The following GRIN2B variants were observed in gnomAD, a reference collection of about 807,000 sequenced individuals.
GRIN2B encodes glutamate ionotropic receptor NMDA type subunit 2B, also known as glutamate receptor ionotropic, NMDA 2B.
GRIN2B carries 5 observed loss-of-function variants against 114.5 expected under a neutral mutation model. That is an observed-to-expected ratio of 0.04 (90% CI 0.02 to 0.09). The LOEUF is 0.09. GRIN2B is among the 10% of genes least tolerant of loss of function. The probability of loss-of-function intolerance (pLI) is 1.00; values close to 1 mark genes in which losing one functional copy is unlikely to be tolerated. For synonymous variants in GRIN2B, 787 were observed against 745.1 expected, an observed-to-expected ratio of 1.06 and a Z score of -0.92; for missense variants, 1,108 against 1,943.5, an observed-to-expected ratio of 0.57 and a Z score of 8.08.
chr12:13,833,507 G>GT (rs1417328705), intron 3 of GRIN2B, among the ~76,000 whole-genome samples: 1 of 152,126 alleles, frequency 6.6e-6, no homozygotes, highest in Non-Finnish European at 1.5e-5. Flanking sequence ...AAATTCAGGT[G>GT]TGTTCTCATT....
At chr12:13,804,027 T>G (rs1864559780) in intron 3 of GRIN2B, among the ~76,000 whole-genome samples, 1 of 152,190 alleles carries the variant, frequency 6.6e-6, no homozygotes, top group Non-Finnish European at 1.5e-5. Context: ...TTACCCATTT[T>G]CGTCTTTCTC....
At chr12:13,958,614 A>T (rs1344143896) in intron 2 of GRIN2B, among the ~76,000 whole-genome samples, 2 of 152,040 alleles carry the variant, frequency 1.3e-5, no homozygotes, top group Non-Finnish European at 2.9e-5. Context: ...CCTTTTTCTC[A>T]TACCACATGT....
At chr12:13,605,584 C>CACACACA (rs3081919) in intron 10 of GRIN2B, among the ~76,000 whole-genome samples, 10 of 149,246 alleles carry the variant, frequency 6.7e-5, no homozygotes, top group Non-Finnish European at 7.4e-5. Context: ...CACACACACA[C>CACACACA]CTGTCTTCAT....
chr12:13,592,225 C>T (rs918223532), intron 10 of GRIN2B, among the ~76,000 whole-genome samples: 4 of 152,094 alleles, frequency 2.6e-5, no homozygotes, highest in Non-Finnish European at 5.9e-5. Context: ...AAGAGGCCCT[C>T]GCTGGCAGGA....
rs546577823 is a variant in GRIN2B, at chr12:13,548,163, C to A, written c.*14620G>T. ...TCATGTGGATCTTGCTGTTCCGGAG[C>A]AAGCTCTGGGCTCTAAAATTGAGCT... On this transcript the variant is annotated 3_prime_UTR_variant, in exon 14 of 14. Transcript: ENST00000609686. 35 of 151,420 alleles carry A rather than the reference C, an allele frequency of 2.3e-4. No homozygotes were observed. Among genetic ancestry groups the A allele is most frequent in the African/African-American group, 8.0e-4 (33 of 41,306 alleles). 9.4% of individuals were successfully genotyped at this position (151,420 alleles called of 1,614,324 possible). A position where few individuals can be genotyped will look rare whatever the true frequency, so the allele number is the denominator to read the frequency against.
At chr12:13,612,578 T>C (rs1485346388) in intron 8 of GRIN2B, among the ~76,000 whole-genome samples, 2 of 152,108 alleles carry the variant, frequency 1.3e-5, no homozygotes, top group Admixed American at 6.5e-5. Context: ...CTACAATCTA[T>C]CCCCCATTAT....
chr12:13,810,118 T>C (rs1864697833), intron 3 of GRIN2B, among the ~76,000 whole-genome samples: 1 of 152,130 alleles, frequency 6.6e-6, no homozygotes, highest in South Asian at 2.1e-4. Flanking sequence ...TACCATCCTG[T>C]TTAAATGAAA....
chr12:13,624,728 T>C (rs1231361167), intron 5 of GRIN2B, among the ~76,000 whole-genome samples: 2 of 152,116 alleles, frequency 1.3e-5, no homozygotes, highest in Non-Finnish European at 2.9e-5. Flanking sequence ...CCTGCATGGC[T>C]CTCCCAGGGA....
At chr12:13,834,124 G>A (rs576917133) in intron 3 of GRIN2B, among the ~76,000 whole-genome samples, 20 of 134,988 alleles carry the variant, frequency 1.5e-4, no homozygotes, top group African/African-American at 4.1e-4. Flanking sequence ...TCTGCCTCCC[G>A]TGTTCATGCC....
At position 13,549,877 on chromosome 12, in the gene GRIN2B, C is replaced by A. The variant is rs1272234269; in HGVS notation, c.*12906G>T. 6.6e-6 allele frequency: 1 copy of A among 151,970 alleles called. No individual in the cohort carries two copies. Among genetic ancestry groups the A allele is most frequent in the Non-Finnish European group, 1.5e-5 (1 of 67,996 alleles). The allele number at this position is 151,970 out of a possible 1,614,324, so 9.4% of individuals were successfully genotyped here. On this transcript the variant is annotated 3_prime_UTR_variant, in exon 14 of 14. Coordinates refer to ENST00000609686, the MANE Select transcript of GRIN2B (RefSeq NM_000834.5). ...TGTATGTGGAGTGTGTGTGTGTCTA[C>A]AAAGGGAAATTTCATAGATAAGATC...
intron 4 of GRIN2B, among the ~76,000 whole-genome samples, chr12:13,734,814 T>C (rs1408855483): frequency 6.6e-6 from 1 of 152,142 alleles, no homozygotes; most frequent in Non-Finnish European, 1.5e-5. Flanking sequence ...GAGGCAACAC[T>C]TGAGTCAGAT....
chr12:13,798,998 G>A (rs1252155624), intron 3 of GRIN2B, among the ~76,000 whole-genome samples: 1 of 152,144 alleles, frequency 6.6e-6, no homozygotes, highest in Non-Finnish European at 1.5e-5. Flanking sequence ...GTTAGTGTTT[G>A]ACATTTGTTA....
At chr12:13,783,838 A>T (rs2136657685) in intron 3 of GRIN2B, among the ~76,000 whole-genome samples, 1 of 152,086 alleles carries the variant, frequency 6.6e-6, no homozygotes, top group South Asian at 2.1e-4. Flanking sequence ...TAGCTGAGGA[A>T]CTAGAAGAGG....
At chr12:13,750,590 G>A (rs1863466816) in intron 4 of GRIN2B, among the ~76,000 whole-genome samples, 1 of 152,184 alleles carries the variant, frequency 6.6e-6, no homozygotes, top group Non-Finnish European at 1.5e-5. Context: ...GCAAACATTT[G>A]GGAAAATAAT....
At chr12:13,742,326 G>A (rs1863301430) in intron 4 of GRIN2B, among the ~76,000 whole-genome samples, 1 of 152,120 alleles carries the variant, frequency 6.6e-6, no homozygotes, top group Non-Finnish European at 1.5e-5. Flanking sequence ...TCATCATCAT[G>A]TCTGTTATAC....
intron 5 of GRIN2B, among the ~76,000 whole-genome samples, chr12:13,632,046 C>A (rs1012150583): frequency 1.3e-5 from 2 of 152,146 alleles, no homozygotes; most frequent in Non-Finnish European, 2.9e-5. Context: ...CAACTTAAGC[C>A]ATTTGAAAGA....
intron 2 of GRIN2B, among the ~76,000 whole-genome samples, chr12:13,962,651 T>A (rs944506378): frequency 3.3e-5 from 5 of 152,188 alleles, no homozygotes; most frequent in African/African-American, 1.2e-4. Context: ...CAAGCAAATA[T>A]CTGCCCGGCA....
intron 1 of GRIN2B, among the ~76,000 whole-genome samples, chr12:13,980,654 G>A (rs551322941): frequency 6.6e-6 from 1 of 151,972 alleles, no homozygotes; most frequent in African/African-American, 2.4e-5. Context: ...AAGGAAGGAG[G>A]AAGGGGGGGA....
chr12:13,792,380 A>G (rs1485702248), intron 3 of GRIN2B, among the ~76,000 whole-genome samples: 7 of 152,238 alleles, frequency 4.6e-5, no homozygotes, highest in African/African-American at 1.4e-4. Context: ...AGAAACCACC[A>G]TGATGGCTAT....
Sources: gnomAD v4.1 joint callset for allele counts (sites outside exome capture counted in the v4.1 genomes callset) on GRCh38, gnomAD v4.1.1 for gene constraint, MANE v1.5 for transcripts, NCBI Gene and HGNC (gene_info 2026-07-23, HGNC 2026-07-21) for gene names.